ADAMTS6: variants seen among roughly 807,000 people sequenced by gnomAD.
The protein encoded by ADAMTS6 is ADAM metallopeptidase with thrombospondin type 1 motif 6.
Under a neutral mutation model 144.3 loss-of-function variants are expected in ADAMTS6, and 23 were observed. The ratio of observed to expected loss-of-function variants is 0.16; its 90% CI spans 0.11 to 0.23. The LOEUF (loss-of-function observed/expected upper bound fraction) is 0.23, where lower values mean the gene tolerates loss of function less well. ADAMTS6 is among the 10% of genes least tolerant of loss of function. The probability of loss-of-function intolerance (pLI) is 1.00; values close to 1 mark genes in which losing one functional copy is unlikely to be tolerated. For missense variants in ADAMTS6, 999 were observed against 1,379.6 expected, an observed-to-expected ratio of 0.72 and a Z score of 4.37; for synonymous variants, 444 against 457.5, an observed-to-expected ratio of 0.97 and a Z score of 0.38.
intron 4 of ADAMTS6, among the ~76,000 whole-genome samples, chr5:65,454,161 G>A (rs1165362196): frequency 6.6e-6 from 1 of 152,144 alleles, no homozygotes; most frequent in Non-Finnish European, 1.5e-5. Flanking sequence ...CTTCCTCCAT[G>A]AGACGACCCT....
At chr5:65,286,663 T>TACATTGTTAACCTAC (rs1741698779) in intron 11 of ADAMTS6, among the ~76,000 whole-genome samples, 1 of 152,006 alleles carries the variant, frequency 6.6e-6, no homozygotes, top group Non-Finnish European at 1.5e-5. Context: ...TGTTAACCTA[T>TACATTGTTAACCTAC]ACTGAACCAT....
intron 24 of ADAMTS6, among the ~76,000 whole-genome samples, chr5:65,158,664 G>A (rs775871438): frequency 7.9e-5 from 12 of 152,138 alleles, no homozygotes; most frequent in African/African-American, 2.9e-4. Flanking sequence ...GATACCCAGG[G>A]TGGCTTTAAT....
chr5:65,333,214 T>C (rs1276505288), intron 8 of ADAMTS6, among the ~76,000 whole-genome samples: 2 of 152,094 alleles, frequency 1.3e-5, no homozygotes, highest in East Asian at 1.9e-4. Flanking sequence ...AAAGTCTCTA[T>C]GACCTTAAAA....
chr5:65,346,891 T>C (rs1413051378), intron 7 of ADAMTS6, among the ~76,000 whole-genome samples: 3 of 151,644 alleles, frequency 2.0e-5, no homozygotes, highest in Non-Finnish European at 4.4e-5. Context: ...GTAGCATTTC[T>C]ATACACTAAC....
intron 11 of ADAMTS6, among the ~76,000 whole-genome samples, chr5:65,278,900 G>C (rs1484861992): frequency 6.6e-6 from 1 of 151,170 alleles, no homozygotes; most frequent in Non-Finnish European, 1.5e-5. Flanking sequence ...GGAGGCTGAT[G>C]AAAAGTCACT....
intron 22 of ADAMTS6, among the ~76,000 whole-genome samples, chr5:65,180,889 T>C (rs146169395): frequency 2.3e-3 from 343 of 152,246 alleles, no homozygotes; most frequent in African/African-American, 7.6e-3. Context: ...ACAAAGCAAA[T>C]AGTGTTGCTG....
At chr5:65,322,561 G>GTTTTTTTTTT (rs3049530) in intron 9 of ADAMTS6, among the ~76,000 whole-genome samples, 1 of 118,422 alleles carries the variant, frequency 8.4e-6, no homozygotes, top group African/African-American at 3.2e-5. Flanking sequence ...GTGGTATGTA[G>GTTTTTTTTTT]TTTTTTTTTT....
At chr5:65,332,318 G>T (rs889212296) in intron 8 of ADAMTS6, among the ~76,000 whole-genome samples, 2,294 of 137,380 alleles carry the variant, frequency 0.017, 21 homozygotes, top group Admixed American at 0.029. Flanking sequence ...TATATAGAGA[G>T]AGAGAGAGAG....
intron 7 of ADAMTS6, among the ~76,000 whole-genome samples, chr5:65,381,578 G>T (rs1295300279): frequency 2.2e-5 from 3 of 138,756 alleles, no homozygotes; most frequent in Admixed American, 7.7e-5. Context: ...TAGAGATAGG[G>T]TTTCACCATC....
chr5:65,180,341 T>G (rs896589138), intron 22 of ADAMTS6, among the ~76,000 whole-genome samples: 4 of 152,200 alleles, frequency 2.6e-5, no homozygotes, highest in African/African-American at 9.7e-5. Context: ...ATTTTTTCAG[T>G]GTAGCTCGAG....
In ADAMTS6 at chr5:65,444,194, C is replaced by A. The variant is rs142136504; in HGVS notation, c.1073+7281G>T. ...AACACCTGAGGTCAGGAGTTCAAGA[C>A]CAGCCTGGCTAACATGGTGAAACCC... On this transcript the variant is annotated intron_variant, in intron 7 of 24. Transcript: ENST00000381055. 7.2e-3 allele frequency among the ~76,000 whole-genome samples: 1,094 copies of A among 152,194 alleles called. 13 individuals carry two copies. Among genetic ancestry groups the A allele is most frequent in the African/African-American group, 0.025 (1,028 of 41,522 alleles).
rs999593808 is a variant in ADAMTS6 at position 65,472,881 on chromosome 5, T to C, written c.97+696A>G. On this transcript the variant is annotated intron_variant, in intron 2 of 24. Transcript: ENST00000381055. Reference sequence around the variant, plus strand: ...CATCAATCTGTAATAGTCTTGAAAATCTGGTTCATCGGCACCAAAAAATTA... The same window carrying C: ...CATCAATCTGTAATAGTCTTGAAAACCTGGTTCATCGGCACCAAAAAATTA... Among the ~76,000 whole-genome samples, 64 of 152,142 alleles carry C rather than the reference T, an allele frequency of 4.2e-4. 1 individual carries two copies. Among genetic ancestry groups the C allele is most frequent in the Admixed American group, 4.2e-3 (64 of 15,282 alleles).
intron 11 of ADAMTS6, among the ~76,000 whole-genome samples, chr5:65,277,928 C>T (rs932129156): frequency 6.6e-6 from 1 of 152,038 alleles, no homozygotes; most frequent in Non-Finnish European, 1.5e-5. Context: ...TTTAGTGCAC[C>T]TCTCACCTGA....
chr5:65,224,490 TC>T (rs1031256038), intron 17 of ADAMTS6, 90 bp from the exon 18 acceptor site: 9 of 1,118,930 alleles, frequency 8.0e-6, no homozygotes, highest in Non-Finnish European at 1.2e-5. Context: ...TCCTTATTAT[TC>T]CATTCTCTCT....
chr5:65,473,304 T>G (rs1160165755), intron 2 of ADAMTS6, among the ~76,000 whole-genome samples: 1 of 152,096 alleles, frequency 6.6e-6, no homozygotes, highest in African/African-American at 2.4e-5. Context: ...TTATTAAAGT[T>G]TAAGTTTCAG....
rs565845169 is a variant in ADAMTS6, at chr5:65,398,827, A to G, written c.1073+52648T>C. Reference sequence around the variant, plus strand: ...AAGAAAGAAAGAAAGAAAGAAAGAAAGAAAGAAAGAAAGAAAGAAAGAAAA... The same window carrying G: ...AAGAAAGAAAGAAAGAAAGAAAGAAGGAAAGAAAGAAAGAAAGAAAGAAAA... On this transcript the variant is annotated intron_variant, in intron 7 of 24. Coordinates refer to ENST00000381055, the MANE Select transcript of ADAMTS6 (RefSeq NM_197941.4). 2.7e-3 allele frequency among the ~76,000 whole-genome samples: 401 copies of G among 149,506 alleles called. 1 individual carries two copies. Among genetic ancestry groups the G allele is most frequent in the Non-Finnish European group, 4.3e-3 (293 of 67,618 alleles).
At chr5:65,384,445 AAGC>A (rs368710078) in intron 7 of ADAMTS6, among the ~76,000 whole-genome samples, 26 of 152,278 alleles carry the variant, frequency 1.7e-4, no homozygotes, top group East Asian at 7.7e-4. Context: ...ATCTTTCACA[AAGC>A]AGCAGAACAC....
chr5:65,173,957 G>A (rs751093394), intron 22 of ADAMTS6, among the ~76,000 whole-genome samples: 15 of 151,154 alleles, frequency 9.9e-5, no homozygotes, highest in Admixed American at 4.6e-4. Context: ...AGGAGGCGGA[G>A]GTTGCAGTGA....
chr5:65,152,715 T>A (rs1752201130), intron 24 of ADAMTS6, among the ~76,000 whole-genome samples: 1 of 152,210 alleles, frequency 6.6e-6, no homozygotes, highest in South Asian at 2.1e-4. Flanking sequence ...TTGCAGAAGG[T>A]GGGATGAGGG....
Sources: allele counts gnomAD v4.1 joint callset (sites outside exome capture counted in the v4.1 genomes callset), GRCh38; gene constraint gnomAD v4.1.1; transcripts MANE v1.5; gene names NCBI Gene and HGNC (gene_info 2026-07-23, HGNC 2026-07-21).